The following SLC2A9 variants were observed in gnomAD, a reference collection of about 807,000 sequenced individuals.
SLC2A9 encodes the protein solute carrier family 2 member 9, also known as solute carrier family 2, facilitated glucose transporter member 9.
In SLC2A9, 39 loss-of-function variants were observed where a neutral mutation model predicts 50.6. The ratio of observed to expected loss-of-function variants is 0.77; its 90% CI spans 0.60 to 1.01. The LOEUF (loss-of-function observed/expected upper bound fraction) is 1.01. Among genes scored for constraint, SLC2A9 ranks in the 50% least tolerant of loss-of-function variants. SLC2A9 has a pLI of 0.00. For synonymous variants in SLC2A9, 324 were observed against 276.9 expected (o/e 1.17, Z -1.69); for missense variants, 686 against 677.6 (o/e 1.01, Z -0.14).
At chr4:9,885,462 T>C (rs10805342) in intron 10 of SLC2A9, among the ~76,000 whole-genome samples, 144,853 of 152,284 alleles carry the variant, frequency 0.95, 69,033 homozygotes, top group Middle Eastern at 0.97. Context: ...CTCAGGGATA[T>C]TGCAGGAAAA....
At chr4:9,943,786 G>A (rs1748618630) in intron 5 of SLC2A9, among the ~76,000 whole-genome samples, 1 of 152,220 alleles carries the variant, frequency 6.6e-6, no homozygotes, top group Admixed American at 6.5e-5. Flanking sequence ...TGCCGTCTCA[G>A]TAAGGGTAAA....
intron 8 of SLC2A9, among the ~76,000 whole-genome samples, chr4:9,899,962 C>A (rs1175197119): frequency 6.6e-6 from 1 of 152,172 alleles, no homozygotes; most frequent in Non-Finnish European, 1.5e-5. Context: ...GTGAAGCACT[C>A]CCCCTCATGC....
intron 5 of SLC2A9, among the ~76,000 whole-genome samples, chr4:9,976,286 C>T (rs1754794102): frequency 6.6e-6 from 1 of 152,160 alleles, no homozygotes; most frequent in Non-Finnish European, 1.5e-5. Context: ...AAATAGCTAC[C>T]TTCTTGCTAA....
chr4:9,882,335 T>C (rs1735356232), intron 10 of SLC2A9, among the ~76,000 whole-genome samples: 1 of 152,110 alleles, frequency 6.6e-6, no homozygotes, highest in Non-Finnish European at 1.5e-5. Flanking sequence ...TGGGCATAAT[T>C]CCACTCAATC....
At chr4:9,874,969 T>C (rs369381338) in intron 10 of SLC2A9, among the ~76,000 whole-genome samples, 3,032 of 121,684 alleles carry the variant, frequency 0.025, 1 homozygote, top group Middle Eastern at 0.035. Flanking sequence ...GGATGCTGTG[T>C]CTTTAGAAAT....
At chr4:9,892,792 C>G (rs1011500326) in intron 8 of SLC2A9, among the ~76,000 whole-genome samples, 1 of 152,144 alleles carries the variant, frequency 6.6e-6, no homozygotes, top group Non-Finnish European at 1.5e-5. Context: ...GGCTGTGTGG[C>G]CTTGAACAAG....
chr4:10,010,334 C>T (rs1005081242), intron 2 of SLC2A9, among the ~76,000 whole-genome samples: 1 of 152,158 alleles, frequency 6.6e-6, no homozygotes, highest in East Asian at 1.9e-4. Context: ...TATTCTGATT[C>T]GTATCCTTTT....
At chr4:9,779,965 C>A (rs1577249084) in exon 4 of SLC2A9, 1 of 152,374 alleles carries the variant, frequency 6.6e-6, no homozygotes. Flanking sequence ...GGAAATACCA[C>A]ATGACCGTTT....
chr4:9,901,679 C>T (rs969222840), intron 8 of SLC2A9, among the ~76,000 whole-genome samples: 2 of 152,072 alleles, frequency 1.3e-5, no homozygotes, highest in African/African-American at 2.4e-5. Flanking sequence ...CATGCCCCCC[C>T]ACCAGCCCCT....
intron 6 of SLC2A9, among the ~76,000 whole-genome samples, chr4:9,939,789 T>C (rs2110251836): frequency 6.6e-6 from 1 of 152,234 alleles, no homozygotes; most frequent in Middle Eastern, 3.4e-3. Context: ...GGGGCAGGAA[T>C]GTCATCTCAT....
chr4:9,852,488 A>G (rs1730126147), intron 10 of SLC2A9, among the ~76,000 whole-genome samples: 1 of 151,640 alleles, frequency 6.6e-6, no homozygotes, highest in Admixed American at 6.6e-5. Flanking sequence ...TCCTGACCTC[A>G]TGATCCACCC....
At chr4:9,794,273 G>T (rs1430196075), downstream of SLC2A9, among the ~76,000 whole-genome samples, 1 of 152,030 alleles carries the variant, frequency 6.6e-6, no homozygotes, top group Non-Finnish European at 1.5e-5. Flanking sequence ...TCCTGCCTCA[G>T]CCTCCCGCGT....
intron 2 of SLC2A9, among the ~76,000 whole-genome samples, chr4:9,998,170 G>T (rs1759067632): frequency 1.3e-5 from 2 of 152,190 alleles, no homozygotes; most frequent in African/African-American, 4.8e-5. Context: ...GTACACCAAA[G>T]ACTGAGGTCC....
intron 5 of SLC2A9, among the ~76,000 whole-genome samples, chr4:9,972,056 T>C (rs1052855817): frequency 1.3e-5 from 2 of 152,242 alleles, no homozygotes; most frequent in Admixed American, 6.5e-5. Flanking sequence ...AATATGCACA[T>C]GGTTTACTAT....
intron 10 of SLC2A9, among the ~76,000 whole-genome samples, chr4:9,884,154 A>G (rs1735738072): frequency 6.6e-6 from 1 of 152,260 alleles, no homozygotes; most frequent in Non-Finnish European, 1.5e-5. Context: ...ATTCAGAGAC[A>G]TATTTGTTAG....
downstream of SLC2A9, among the ~76,000 whole-genome samples, chr4:9,795,057 G>A (rs1720433662): frequency 7.6e-6 from 1 of 131,840 alleles, no homozygotes; most frequent in Non-Finnish European, 1.6e-5. Flanking sequence ...TGTCACCCAG[G>A]CTGGAGTGCA....
intron 7 of SLC2A9, among the ~76,000 whole-genome samples, chr4:9,910,717 C>T (rs1348322247): frequency 1.3e-5 from 2 of 152,194 alleles, no homozygotes; most frequent in Non-Finnish European, 2.9e-5. Flanking sequence ...TCTCACCCCT[C>T]ACAACCCCGT....
At chr4:9,907,137 G>A (rs1454040329) in intron 8 of SLC2A9, among the ~76,000 whole-genome samples, 1 of 152,220 alleles carries the variant, frequency 6.6e-6, no homozygotes, top group East Asian at 1.9e-4. Flanking sequence ...CTCCATCAAG[G>A]TCAGAGAATA....
At chr4:9,983,284 C>A (rs1457447389) in intron 4 of SLC2A9, among the ~76,000 whole-genome samples, 1 of 152,186 alleles carries the variant, frequency 6.6e-6, no homozygotes, top group Non-Finnish European at 1.5e-5. Context: ...TGATTTGTAC[C>A]CCCTCCCTGG....
Sources: gnomAD v4.1 joint callset for allele counts (sites outside exome capture counted in the v4.1 genomes callset) on GRCh38, gnomAD v4.1.1 for gene constraint, MANE v1.5 for transcripts, NCBI Gene and HGNC (gene_info 2026-07-23, HGNC 2026-07-21) for gene names.